ATL2: variants seen among roughly 807,000 people sequenced by gnomAD.
ATL2 encodes atlastin GTPase 2.
ATL2 carries 31 observed loss-of-function variants against 73.9 expected under a neutral mutation model. The observed-to-expected ratio is 0.42, with a 90% CI of 0.32 to 0.57. The LOEUF is 0.57. Ranked by LOEUF, ATL2 falls within the 20% of genes least tolerant of loss-of-function variation. ATL2 has a pLI of 0.14. For synonymous variants in ATL2, 291 were observed against 237.5 expected (o/e 1.23, Z -2.07); for missense variants, 738 against 702.6 (o/e 1.05, Z -0.57).
chr2:38,339,373 C>T (rs955940325), intron 2 of ATL2, among the ~76,000 whole-genome samples: 5 of 152,028 alleles, frequency 3.3e-5, no homozygotes, highest in East Asian at 1.9e-4. Flanking sequence ...GAAGCCGGAA[C>T]GAAGTCAAGG....
At chr2:38,314,476 G>A in intron 6 of ATL2, 132 bp downstream of exon 6, 1 of 603,422 alleles carries the variant, frequency 1.7e-6, no homozygotes, top group Middle Eastern at 3.2e-4. Context: ...CCAAAGGTTA[G>A]TTTCGATTGC....
At chr2:38,372,731 T>C (rs1017588288) in intron 1 of ATL2, among the ~76,000 whole-genome samples, 1 of 152,224 alleles carries the variant, frequency 6.6e-6, no homozygotes, top group African/African-American at 2.4e-5. Flanking sequence ...AAAATTACTT[T>C]TTAGTTCAAA....
chr2:38,308,762 GTAAAAA>G (rs978429120), intron 9 of ATL2, among the ~76,000 whole-genome samples: 4 of 151,756 alleles, frequency 2.6e-5, no homozygotes, highest in African/African-American at 9.7e-5. Flanking sequence ...AAAATTAAAA[GTAAAAA>G]TAAATTTTAA....
intron 2 of ATL2, among the ~76,000 whole-genome samples, chr2:38,325,663 C>CT (rs1558411806): frequency 0.033 from 204 of 6,230 alleles, 17 homozygotes; most frequent in African/African-American, 0.12. Flanking sequence ...CACACCAGTA[C>CT]ACACACACAC....
At chr2:38,358,045 G>A (rs867988825) in intron 1 of ATL2, among the ~76,000 whole-genome samples, 1 of 152,104 alleles carries the variant, frequency 6.6e-6, no homozygotes, top group African/African-American at 2.4e-5. Context: ...TGCATATCCT[G>A]ATTCAATAAA....
chr2:38,369,363 T>TTG (rs1166543022), intron 1 of ATL2, among the ~76,000 whole-genome samples: 6 of 152,118 alleles, frequency 3.9e-5, no homozygotes, highest in South Asian at 4.1e-4. Context: ...GGCACGAGAA[T>TTG]CAGTTGAACT....
chr2:38,319,545 G>A (rs1404375656), intron 2 of ATL2, among the ~76,000 whole-genome samples: 8 of 151,610 alleles, frequency 5.3e-5, no homozygotes, highest in Admixed American at 5.3e-4. Flanking sequence ...GCTACAGTGA[G>A]CTGAGATTGT....
At chr2:38,373,583 A>G (rs996996140) in intron 1 of ATL2, among the ~76,000 whole-genome samples, 1 of 152,172 alleles carries the variant, frequency 6.6e-6, no homozygotes, top group Non-Finnish European at 1.5e-5. Flanking sequence ...ATCCGACCAT[A>G]CACCACACAG....
chr2:38,320,774 A>G (rs910025183), intron 2 of ATL2, among the ~76,000 whole-genome samples: 1 of 152,242 alleles, frequency 6.6e-6, no homozygotes, highest in East Asian at 1.9e-4. Flanking sequence ...GAGTGGAGAG[A>G]TGGTTAAGAC....
intron 1 of ATL2, among the ~76,000 whole-genome samples, chr2:38,366,661 T>C (rs894027922): frequency 1.3e-5 from 2 of 152,214 alleles, no homozygotes; most frequent in African/African-American, 4.8e-5. Context: ...CTTCAGAACA[T>C]ATAAGCTTAA....
At chr2:38,299,105 T>C (rs1667053927) in intron 11 of ATL2, 151 bp downstream of exon 11, 1 of 632,852 alleles carries the variant, frequency 1.6e-6, no homozygotes, top group Admixed American at 4.0e-5. Flanking sequence ...TTATAGTTTA[T>C]TTCCAGCAAA....
chr2:38,319,723 G>C (rs1056356463), intron 2 of ATL2, among the ~76,000 whole-genome samples: 2 of 152,080 alleles, frequency 1.3e-5, no homozygotes, highest in African/African-American at 4.8e-5. Flanking sequence ...GCAAAACTAA[G>C]TTCCAGGTAG....
rs147920346 is a variant in ATL2, at chr2:38,357,264, G to A, written c.119-13752C>T. 7.5e-3 allele frequency among the ~76,000 whole-genome samples: 1,133 copies of A among 152,060 alleles called. 18 individuals carry two copies. Among genetic ancestry groups the A allele is most frequent in the African/African-American group, 0.025 (1,056 of 41,462 alleles). ...AATTACTTGAACCCAGGAGGCAGAG[G>A]TTGCAGAGAGCCAAGATCACGCCAC... On this transcript the variant is annotated intron_variant, in intron 1 of 12. Coordinates refer to ENST00000378954, the MANE Select transcript of ATL2 (RefSeq NM_001135673.4).
chr2:38,371,944 A>G (rs1671713275), intron 1 of ATL2, among the ~76,000 whole-genome samples: 1 of 152,076 alleles, frequency 6.6e-6, no homozygotes, highest in Admixed American at 6.6e-5. Flanking sequence ...CTAGTATTAA[A>G]ATCCAAGCCT....
chr2:38,335,785 T>C (rs1437665370), intron 2 of ATL2, among the ~76,000 whole-genome samples: 2 of 152,210 alleles, frequency 1.3e-5, no homozygotes, highest in Admixed American at 6.5e-5. Flanking sequence ...CTCACGCCTG[T>C]AATCCCAGCA....
In ATL2 at chr2:38,375,368, G is replaced by C. The variant is rs150306291; in HGVS notation, c.118+1775C>G. 2.5e-3 allele frequency among the ~76,000 whole-genome samples: 387 copies of C among 152,280 alleles called. 4 individuals carry two copies. The highest frequency in any genetic ancestry group is 8.8e-3 in the African/African-American group (364 of 41,568). ...CAGGGACTGTTTTAGGCAATCATTT[G>C]CTAGGAATGGCTATCAAGTGAAGGT... On this transcript the variant is annotated intron_variant, in intron 1 of 12. Coordinates refer to ENST00000378954, the MANE Select transcript of ATL2 (RefSeq NM_001135673.4).
chr2:38,313,891 C>G (rs1667886725), intron 6 of ATL2, among the ~76,000 whole-genome samples: 1 of 152,150 alleles, frequency 6.6e-6, no homozygotes, highest in Non-Finnish European at 1.5e-5. Context: ...GCAAAATGAT[C>G]CCAGTTCAGA....
At chr2:38,304,499 T>C (rs1286064934) in intron 9 of ATL2, among the ~76,000 whole-genome samples, 1 of 152,166 alleles carries the variant, frequency 6.6e-6, no homozygotes, top group African/African-American at 2.4e-5. Flanking sequence ...AACAGAATAT[T>C]ATTAACAATA....
chr2:38,376,436 T>G (rs948169498), intron 1 of ATL2: 1 of 333,974 alleles, frequency 3.0e-6, no homozygotes, highest in South Asian at 1.3e-4. Context: ...ATCGTCCAAG[T>G]GACTCGTAAA....
Sources: gnomAD v4.1 joint callset for allele counts (sites outside exome capture counted in the v4.1 genomes callset) on GRCh38, gnomAD v4.1.1 for gene constraint, MANE v1.5 for transcripts, NCBI Gene and HGNC (gene_info 2026-07-23, HGNC 2026-07-21) for gene names.